The following SEC24B variants were observed in gnomAD, a reference collection of about 807,000 sequenced individuals.
The protein encoded by SEC24B is SEC24 homolog B, COPII component, also known as protein transport protein Sec24B.
Under a neutral mutation model 142.8 loss-of-function variants are expected in SEC24B, and 45 were observed. The ratio of observed to expected loss-of-function variants is 0.32; its 90% CI spans 0.25 to 0.40. The LOEUF (loss-of-function observed/expected upper bound fraction) is 0.40. SEC24B is among the 10% of genes least tolerant of loss of function. SEC24B has a pLI of 1.00. For synonymous variants in SEC24B, 574 were observed against 568.2 expected, an observed-to-expected ratio of 1.01 and a Z score of -0.15; for missense variants, 1,409 against 1,526.8, an observed-to-expected ratio of 0.92 and a Z score of 1.29.
intron 7 of SEC24B, 151 bp downstream of exon 7, chr4:109,506,663 T>G (rs1010318882): frequency 3.9e-6 from 2 of 519,072 alleles, no homozygotes; most frequent in African/African-American, 4.0e-5. Flanking sequence ...AAAATTTGAC[T>G]TAGGTCATCT....
chr4:109,440,030 G>A (rs1728793878), intron 1 of SEC24B, among the ~76,000 whole-genome samples: 1 of 151,274 alleles, frequency 6.6e-6, no homozygotes, highest in Non-Finnish European at 1.5e-5. Context: ...TGAGGCAGGA[G>A]AATCACTTGA....
chr4:109,530,914 A>G (rs975856495), intron 19 of SEC24B, among the ~76,000 whole-genome samples: 8 of 151,400 alleles, frequency 5.3e-5, no homozygotes, highest in African/African-American at 7.3e-5. Context: ...AAAAAAAAAA[A>G]AAAAAAGAAA....
intron 14 of SEC24B, among the ~76,000 whole-genome samples, chr4:109,521,999 G>C (rs1489874592): frequency 1.3e-5 from 2 of 151,872 alleles, no homozygotes; most frequent in Non-Finnish European, 2.9e-5. Flanking sequence ...CCAAAGTGCT[G>C]GGATTACAGG....
At chr4:109,514,245 G>A (rs1737686802) in intron 10 of SEC24B, among the ~76,000 whole-genome samples, 1 of 152,114 alleles carries the variant, frequency 6.6e-6, no homozygotes, top group Admixed American at 6.5e-5. Context: ...AAGTGGATAT[G>A]GACTTCTAAT....
chr4:109,474,160 A>G (rs1365002172), intron 3 of SEC24B, among the ~76,000 whole-genome samples: 1 of 152,208 alleles, frequency 6.6e-6, no homozygotes, highest in African/African-American at 2.4e-5. Flanking sequence ...TGCAGCACCA[A>G]AGAGTGCCTG....
chr4:109,453,787 G>A (rs751776922), intron 1 of SEC24B, among the ~76,000 whole-genome samples: 1 of 151,954 alleles, frequency 6.6e-6, no homozygotes, highest in Non-Finnish European at 1.5e-5. Flanking sequence ...TTGCGGAAGT[G>A]ATAAATGTCT....
intron 8 of SEC24B, among the ~76,000 whole-genome samples, chr4:109,510,671 C>T (rs1737221308): frequency 2.6e-5 from 4 of 152,154 alleles, no homozygotes; most frequent in Admixed American, 2.6e-4. Context: ...GTTAATTCAA[C>T]AAATAACCTT....
chr4:109,456,502 C>T (rs183726509), intron 1 of SEC24B, among the ~76,000 whole-genome samples: 5 of 151,986 alleles, frequency 3.3e-5, no homozygotes, highest in South Asian at 4.2e-4. Context: ...TCTGTCTGTC[C>T]CTTACCATTA....
chr4:109,472,498 G>A (rs1042597205), intron 2 of SEC24B, among the ~76,000 whole-genome samples: 1 of 152,168 alleles, frequency 6.6e-6, no homozygotes, highest in Non-Finnish European at 1.5e-5. Context: ...CAGCAAATGA[G>A]AAGTAGCAGT....
chr4:109,448,221 G>A (rs1015366527), intron 1 of SEC24B, among the ~76,000 whole-genome samples: 1 of 151,992 alleles, frequency 6.6e-6, no homozygotes, highest in South Asian at 2.1e-4. Context: ...ATGGACATAT[G>A]TTTTATTGGT....
chr4:109,538,630 CT>C (rs1241973399), intron 23 of SEC24B, 34 bp downstream of exon 23: 5 of 1,328,860 alleles, frequency 3.8e-6, no homozygotes, highest in Non-Finnish European at 5.4e-6. Flanking sequence ...ATGAAGTTGT[CT>C]TTCCTATGTA....
At chr4:109,489,972 A>C (rs1369159630) in intron 4 of SEC24B, among the ~76,000 whole-genome samples, 3 of 152,012 alleles carry the variant, frequency 2.0e-5, no homozygotes, top group Non-Finnish European at 2.9e-5. Context: ...TATATGTGCA[A>C]AATTGTTCTA....
intron 1 of SEC24B, among the ~76,000 whole-genome samples, chr4:109,453,932 A>C (rs1311993846): frequency 6.6e-6 from 1 of 152,082 alleles, no homozygotes; most frequent in African/African-American, 2.4e-5. Flanking sequence ...ATCTCAGCTC[A>C]CTGCAACCTC....
Position 109,513,860 on chromosome 4 carries a change from A to G in SEC24B, c.2013+4A>G. ...CATTGCTTCTTCAGATTACATGGTA[A>G]CTATTCAGTGTTAAGATTTGTTATG... On this transcript the variant is annotated splice_donor_region_variant and intron_variant, in intron 10 of 23. Coordinates refer to ENST00000265175, the MANE Select transcript of SEC24B (RefSeq NM_006323.5). 1 of 1,553,732 alleles carries G rather than the reference A, an allele frequency of 6.4e-7. No homozygotes were observed. Among genetic ancestry groups the G allele is most frequent in the Non-Finnish European group, 8.9e-7 (1 of 1,125,286 alleles).
At chr4:109,536,406 G>GA (rs70954162) in intron 22 of SEC24B, among the ~76,000 whole-genome samples, 15,644 of 152,140 alleles carry the variant, frequency 0.1, 897 homozygotes, top group Middle Eastern at 0.19. Context: ...AGTCATTAAG[G>GA]AAAAAACAAG....
intron 1 of SEC24B, among the ~76,000 whole-genome samples, chr4:109,446,222 A>G (rs1228794117): frequency 6.6e-6 from 1 of 152,184 alleles, no homozygotes; most frequent in Non-Finnish European, 1.5e-5. Flanking sequence ...GGCCTGATAC[A>G]ATCACAGCAG....
intron 1 of SEC24B, among the ~76,000 whole-genome samples, chr4:109,444,924 A>T (rs535361872): frequency 2.6e-5 from 4 of 152,160 alleles, no homozygotes; most frequent in South Asian, 2.1e-4. Context: ...TAAAAACTGA[A>T]TTTTTTTGTT....
In SEC24B at chr4:109,521,506, T is replaced by C; in HGVS notation, c.2388T>C (p.Ala796=). Residue 796 remains alanine, a synonymous_variant, in exon 14 of 24, where the codon GCT becomes GCC. Transcript: ENST00000265175. ...THSALGPALQ[A]AFKLMSPTGG... is the part of the protein sequence containing the mutation. ...GTGCCCTTGGTCCTGCACTTCAGGCTGCCTTTAAATTAATGTCTCCAACAG... is the reference window on the plus strand; with the variant it reads ...GTGCCCTTGGTCCTGCACTTCAGGCCGCCTTTAAATTAATGTCTCCAACAG... 6.2e-7 allele frequency: 1 copy of C among 1,614,192 alleles called. No individual in the cohort carries two copies. The highest frequency in any genetic ancestry group is 8.5e-7 in the Non-Finnish European group (1 of 1,180,008).
At chr4:109,501,413 T>A (rs1736128948) in intron 6 of SEC24B, among the ~76,000 whole-genome samples, 2 of 152,228 alleles carry the variant, frequency 1.3e-5, no homozygotes, top group South Asian at 2.1e-4. Context: ...CACACACAAT[T>A]TGTGCATTTG....
Sources: allele counts gnomAD v4.1 joint callset (sites outside exome capture counted in the v4.1 genomes callset), GRCh38; gene constraint gnomAD v4.1.1; transcripts MANE v1.5; gene names NCBI Gene and HGNC (gene_info 2026-07-23, HGNC 2026-07-21).